PTPRD: variants seen among roughly 807,000 people sequenced by gnomAD.
PTPRD encodes receptor-type tyrosine-protein phosphatase delta.
In PTPRD, 34 loss-of-function variants were observed where a neutral mutation model predicts 214.5. That is an observed-to-expected ratio of 0.16 (90% CI 0.12 to 0.21). The LOEUF is 0.21. Among genes scored for constraint, PTPRD ranks in the 10% least tolerant of loss-of-function variants. The pLI is 1.00. For missense variants in PTPRD, 2,545 were observed against 2,398.7 expected (o/e 1.06, Z -1.27); for synonymous variants, 1,128 against 845.7 (o/e 1.33, Z -5.79).
intron 11 of PTPRD, chr9:8,963,097 G>C (rs561821916): frequency 6.6e-6 from 1 of 152,014 alleles, no homozygotes; most frequent in Non-Finnish European, 1.5e-5. Context: ...TTACATGGTA[G>C]CCTTACTGTC....
intron 2 of PTPRD, among the ~76,000 whole-genome samples, chr9:10,418,498 C>CACACA (rs879881642): frequency 1.4e-5 from 2 of 141,506 alleles, no homozygotes; most frequent in African/African-American, 5.3e-5. Flanking sequence ...CACACACACA[C>CACACA]TTCATATCCT....
At chr9:9,198,511 T>C (rs867122280) in intron 9 of PTPRD, among the ~76,000 whole-genome samples, 1 of 152,102 alleles carries the variant, frequency 6.6e-6, no homozygotes, top group Non-Finnish European at 1.5e-5. Flanking sequence ...TGTATTTTAC[T>C]GTTTCTCTGC....
intron 2 of PTPRD, among the ~76,000 whole-genome samples, chr9:10,399,681 G>A (rs1260696963): frequency 2.6e-5 from 4 of 151,860 alleles, no homozygotes; most frequent in Non-Finnish European, 5.9e-5. Context: ...CAGAGATGAG[G>A]TGACATCTGA....
At chr9:10,165,581 T>C (rs550879289) in intron 3 of PTPRD, among the ~76,000 whole-genome samples, 3 of 151,886 alleles carry the variant, frequency 2.0e-5, no homozygotes, top group African/African-American at 7.2e-5. Context: ...AGTTGCCAAA[T>C]AGTAAAATAT....
chr9:10,135,129 G>A (rs1421822296), intron 3 of PTPRD, among the ~76,000 whole-genome samples: 1 of 152,170 alleles, frequency 6.6e-6, no homozygotes, highest in Non-Finnish European at 1.5e-5. Context: ...AAGAATCTCA[G>A]ATCTTGAAGA....
chr9:10,439,075 G>C (rs927701949), intron 2 of PTPRD, among the ~76,000 whole-genome samples: 13 of 151,806 alleles, frequency 8.6e-5, no homozygotes, highest in African/African-American at 3.1e-4. Context: ...GTCCGTTGGA[G>C]CTTACCTTCA....
At chr9:8,680,479 G>A (rs2097530013) in intron 12 of PTPRD, among the ~76,000 whole-genome samples, 1 of 152,044 alleles carries the variant, frequency 6.6e-6, no homozygotes, top group Non-Finnish European at 1.5e-5. Flanking sequence ...TTCCATATAT[G>A]TGCAATCATG....
At chr9:8,536,335 G>A (rs562569335) in intron 14 of PTPRD, among the ~76,000 whole-genome samples, 22 of 151,728 alleles carry the variant, frequency 1.4e-4, no homozygotes, top group African/African-American at 2.7e-4. Flanking sequence ...GACTAGATAC[G>A]CAAGTTCCAT....
At chr9:9,074,830 A>G (rs324486) in intron 10 of PTPRD, among the ~76,000 whole-genome samples, 94,206 of 151,166 alleles carry the variant, frequency 0.62, 30,945 homozygotes, top group Non-Finnish European at 0.74. Flanking sequence ...AACATGTAAA[A>G]TAATCAGTTT....
Position 10,064,564 on chromosome 9 carries a change from A to G in PTPRD, c.-544-30774T>C, listed in dbSNP as rs79648014. On this transcript the variant is annotated intron_variant, in intron 3 of 45. Transcript: ENST00000381196. ...TTTAAGCACCATCATCACAAATTCTACAAGCCTGAACCTCTCCAAGAAGCT... is the reference window on the plus strand; with the variant it reads ...TTTAAGCACCATCATCACAAATTCTGCAAGCCTGAACCTCTCCAAGAAGCT... Among the ~76,000 whole-genome samples the G allele has an allele frequency of 1.8e-3, 271 of 152,018 alleles. 1 individual carries two copies. Among genetic ancestry groups the G allele is most frequent in the African/African-American group, 6.3e-3 (263 of 41,530 alleles).
intron 8 of PTPRD, among the ~76,000 whole-genome samples, chr9:9,447,923 T>C (rs2090987180): frequency 6.6e-6 from 1 of 152,016 alleles, no homozygotes; most frequent in Admixed American, 6.6e-5. Flanking sequence ...TGATGAAAGA[T>C]CAAGGAGATG....
intron 10 of PTPRD, among the ~76,000 whole-genome samples, chr9:9,078,838 T>A (rs2099754905): frequency 6.6e-6 from 1 of 152,040 alleles, no homozygotes. Context: ...TATTTGTAAT[T>A]GAAAAATAAT....
At chr9:8,946,871 T>G (rs1272071191) in intron 11 of PTPRD, among the ~76,000 whole-genome samples, 1 of 151,902 alleles carries the variant, frequency 6.6e-6, no homozygotes, top group African/African-American at 2.4e-5. Flanking sequence ...ATCCTATTTC[T>G]TAAGTCTCTC....
chr9:9,119,168 T>C (rs2099815186), intron 10 of PTPRD, among the ~76,000 whole-genome samples: 1 of 152,232 alleles, frequency 6.6e-6, no homozygotes, highest in Non-Finnish European at 1.5e-5. Context: ...GGTTTAACCT[T>C]GTTGAGTTTA....
At chr9:9,639,122 C>G (rs2095859265) in intron 7 of PTPRD, among the ~76,000 whole-genome samples, 1 of 152,118 alleles carries the variant, frequency 6.6e-6, no homozygotes, top group Admixed American at 6.5e-5. Flanking sequence ...TCTGTATTTA[C>G]AGTTTTATGA....
At chr9:8,707,154 A>G (rs999715776) in intron 12 of PTPRD, among the ~76,000 whole-genome samples, 5 of 152,200 alleles carry the variant, frequency 3.3e-5, no homozygotes, top group African/African-American at 1.2e-4. Context: ...ACTATACTCT[A>G]TGTCTTTGTT....
At position 10,268,154 on chromosome 9, in the gene PTPRD, G is replaced by C. The variant is rs1011760107; in HGVS notation, c.-545+72809C>G. 2.0e-5 allele frequency among the ~76,000 whole-genome samples: 3 copies of C among 147,766 alleles called. No homozygotes were observed. The East Asian group carries it at 5.9e-4, about 29-fold the overall frequency. On this transcript the variant is annotated intron_variant, in intron 3 of 45. Coordinates refer to ENST00000381196, the MANE Select transcript of PTPRD (RefSeq NM_002839.4). The stretch of plus-strand genomic sequence containing the variant: ...TTTTTTAAATAATTGGCTGAGTGTG[G>C]TAGTGTGCTTGTTTAGTCTTAGCTA...
intron 6 of PTPRD, among the ~76,000 whole-genome samples, chr9:9,762,168 G>A (rs1293587908): frequency 2.0e-5 from 3 of 152,198 alleles, no homozygotes; most frequent in East Asian, 1.9e-4. Flanking sequence ...AACTGTGGCA[G>A]TAGCCCTGAT....
intron 8 of PTPRD, among the ~76,000 whole-genome samples, chr9:9,469,893 A>C (rs1404179226): frequency 6.6e-6 from 1 of 152,202 alleles, no homozygotes; most frequent in African/African-American, 2.4e-5. Context: ...TCATAAAACC[A>C]TTCAATCAGG....
Sources: allele counts gnomAD v4.1 joint callset (sites outside exome capture counted in the v4.1 genomes callset), GRCh38; gene constraint gnomAD v4.1.1; transcripts MANE v1.5; gene names NCBI Gene and HGNC (gene_info 2026-07-23, HGNC 2026-07-21).